SCN8A: variants seen among roughly 807,000 people sequenced by gnomAD.
The protein encoded by SCN8A is sodium channel protein type 8 subunit alpha.
SCN8A carries 30 observed loss-of-function variants against 184.1 expected under a neutral mutation model. That is an observed-to-expected ratio of 0.16 (90% CI 0.12 to 0.22). The LOEUF (loss-of-function observed/expected upper bound fraction) is 0.22, where lower values mean the gene tolerates loss of function less well. Among genes scored for constraint, SCN8A ranks in the 10% least tolerant of loss-of-function variants. The probability of loss-of-function intolerance (pLI) is 1.00; values close to 1 mark genes in which losing one functional copy is unlikely to be tolerated. For synonymous variants in SCN8A, 852 were observed against 907.0 expected, an observed-to-expected ratio of 0.94 and a Z score of 1.09; for missense variants, 1,057 against 2,498.9, an observed-to-expected ratio of 0.42 and a Z score of 12.30.
Position 51,780,739 on chromosome 12 carries a change from T to C in SCN8A, c.3910T>C (p.Leu1304=). 2 of 1,598,926 alleles carry C rather than the reference T, an allele frequency of 1.3e-6. No individual in the cohort carries two copies. The highest frequency in any genetic ancestry group is 1.7e-6 in the Non-Finnish European group (2 of 1,175,216). Residue 1304 remains leucine (L), a synonymous_variant, in exon 21 of 27, where the codon TTA becomes CTA. Transcript: ENST00000627620. Reference sequence around the variant, plus strand: ...TAGGACCCTAAGAGCTTTGAGACCCTTAAGAGCCTTATCACGATTTGAAGG... The same window carrying C: ...TAGGACCCTAAGAGCTTTGAGACCCCTAAGAGCCTTATCACGATTTGAAGG... The part of the protein sequence containing the change: ...SLRTLRALRP[L]RALSRFEGMR...
intron 1 of SCN8A, among the ~76,000 whole-genome samples, chr12:51,634,119 G>T (rs1940260903): frequency 1.3e-5 from 2 of 152,188 alleles, no homozygotes; most frequent in Admixed American, 1.3e-4. Context: ...ATGGGAAAAT[G>T]CATGAATTAG....
At chr12:51,665,634 T>A (rs1394380550) in intron 2 of SCN8A, among the ~76,000 whole-genome samples, 2 of 152,192 alleles carry the variant, frequency 1.3e-5, no homozygotes, top group African/African-American at 4.8e-5. Flanking sequence ...TGCTGATACT[T>A]CTATAGGGGT....
chr12:51,664,508 T>C (rs141860228), intron 2 of SCN8A, among the ~76,000 whole-genome samples: 1 of 152,078 alleles, frequency 6.6e-6, no homozygotes, highest in Non-Finnish European at 1.5e-5. Context: ...GCACCTGGCC[T>C]TATTATTTAC....
intron 1 of SCN8A, among the ~76,000 whole-genome samples, chr12:51,612,961 G>C (rs1174110617): frequency 6.6e-6 from 1 of 152,128 alleles, no homozygotes; most frequent in Non-Finnish European, 1.5e-5. Flanking sequence ...GACATCCCGT[G>C]ATCCAACCGC....
intron 12 of SCN8A, among the ~76,000 whole-genome samples, chr12:51,737,084 A>G (rs546139435): frequency 3.3e-5 from 5 of 152,380 alleles, no homozygotes; most frequent in African/African-American, 9.6e-5. Context: ...AAAGTCAGCT[A>G]AACGGGTTTG....
At position 51,598,808 on chromosome 12, in the gene SCN8A, CAGTT is replaced by C. The variant is rs575176303; in HGVS notation, c.-55+7454_-55+7457del. Among the ~76,000 whole-genome samples the C allele has an allele frequency of 3.0e-4, 46 of 152,116 alleles. No homozygotes were observed. The South Asian group carries it at 9.3e-3, about 31-fold the overall frequency. On this transcript the variant is annotated intron_variant, in intron 1 of 26. Transcript: ENST00000627620. ...ACATATTGTCTCCCCCTGCTCCTCA[CAGTT>C]AGTTCCATTGTCTTTTAAGGAAGAC...
intron 12 of SCN8A, among the ~76,000 whole-genome samples, chr12:51,734,827 A>G (rs1592134292): frequency 6.6e-6 from 1 of 152,248 alleles, no homozygotes; most frequent in Non-Finnish European, 1.5e-5. Flanking sequence ...AAAACAACGT[A>G]GATTAAAAGC....
At chr12:51,680,257 T>C (rs765444741) in intron 2 of SCN8A, among the ~76,000 whole-genome samples, 6 of 152,204 alleles carry the variant, frequency 3.9e-5, no homozygotes, top group Non-Finnish European at 7.3e-5. Context: ...AGTTTTATTT[T>C]AAGTGCAACA....
chr12:51,659,782 A>G (rs1940892700), intron 1 of SCN8A, among the ~76,000 whole-genome samples: 1 of 152,182 alleles, frequency 6.6e-6, no homozygotes, highest in Non-Finnish European at 1.5e-5. Context: ...AGCAATTGGA[A>G]AGGCTGATGA....
chr12:51,616,277 A>G (rs1402954777), intron 1 of SCN8A, among the ~76,000 whole-genome samples: 1 of 152,096 alleles, frequency 6.6e-6, no homozygotes, highest in Non-Finnish European at 1.5e-5. Flanking sequence ...AAATATTTTC[A>G]CTAGATATAC....
At chr12:51,794,721 A>C in intron 26 of SCN8A, 80 bp downstream of exon 26, 1 of 1,412,158 alleles carries the variant, frequency 7.1e-7, no homozygotes, top group Non-Finnish European at 9.7e-7. Flanking sequence ...GAGAGGAATG[A>C]ATGACACAGG....
intron 11 of SCN8A, among the ~76,000 whole-genome samples, chr12:51,709,355 T>C (rs1941835279): frequency 3.3e-5 from 5 of 152,140 alleles, no homozygotes; most frequent in Admixed American, 2.6e-4. Context: ...GTTGGAAGAA[T>C]AGTGAGCCAA....
At chr12:51,770,406 C>T (rs1942906691) in intron 18 of SCN8A, 123 bp from the exon 19 acceptor site, 3 of 1,096,594 alleles carry the variant, frequency 2.7e-6, no homozygotes, top group Non-Finnish European at 3.9e-6. Flanking sequence ...CATTCTGATT[C>T]AGCCACTGTC....
chr12:51,664,053 G>T (rs1329330810), intron 2 of SCN8A, among the ~76,000 whole-genome samples: 2 of 151,716 alleles, frequency 1.3e-5, no homozygotes, highest in African/African-American at 4.8e-5. Context: ...GGGACTACAG[G>T]CTCAGAGCAG....
intron 14 of SCN8A, among the ~76,000 whole-genome samples, chr12:51,761,272 G>A (rs1363498322): frequency 6.6e-6 from 1 of 151,992 alleles, no homozygotes; most frequent in Non-Finnish European, 1.5e-5. Context: ...GCAGAAAAAT[G>A]GGAGATGGGT....
At chr12:51,597,478 A>T (rs546996616) in intron 1 of SCN8A, among the ~76,000 whole-genome samples, 1 of 152,178 alleles carries the variant, frequency 6.6e-6, no homozygotes, top group African/African-American at 2.4e-5. Flanking sequence ...CTTGTGAATT[A>T]TACAGTTATT....
chr12:51,699,892 C>A, intron 7 of SCN8A, 101 bp downstream of exon 7: 2 of 962,462 alleles, frequency 2.1e-6, no homozygotes, highest in Non-Finnish European at 1.6e-6. Flanking sequence ...GGAGGCCGGG[C>A]GCGGTGGCTC....
intron 2 of SCN8A, among the ~76,000 whole-genome samples, chr12:51,664,330 C>T (rs957802257): frequency 6.6e-6 from 1 of 151,904 alleles, no homozygotes; most frequent in African/African-American, 2.4e-5. Context: ...GCCTCAGCCT[C>T]CTGAGTAGCT....
intron 1 of SCN8A, among the ~76,000 whole-genome samples, chr12:51,619,672 T>G (rs969576197): frequency 6.6e-6 from 1 of 152,212 alleles, no homozygotes; most frequent in South Asian, 2.1e-4. Context: ...ATAAAAAGGA[T>G]TAACTGACAT....
Sources: gnomAD v4.1 joint callset for allele counts (sites outside exome capture counted in the v4.1 genomes callset) on GRCh38, gnomAD v4.1.1 for gene constraint, MANE v1.5 for transcripts, NCBI Gene and HGNC (gene_info 2026-07-23, HGNC 2026-07-21) for gene names.